Variants in GPHN observed in about 807,000 individuals in gnomAD.
The protein encoded by GPHN is gephyrin.
A neutral mutation model predicts 95.5 loss-of-function variants in GPHN; 17 were observed. The observed-to-expected ratio is 0.18, with a 90% CI of 0.12 to 0.27. The LOEUF is 0.27. Ranked by LOEUF, GPHN falls within the 10% of genes least tolerant of loss-of-function variation. The pLI, the probability that GPHN is intolerant of heterozygous loss-of-function variation, is 1.00. For missense variants in GPHN, 660 were observed against 978.1 expected (o/e 0.67, Z 4.34); for synonymous variants, 320 against 322.5 (o/e 0.99, Z 0.08).
At chr14:67,585,977 T>C in the GPHN span, 14 of 1,613,774 alleles carry the variant, frequency 8.7e-6, 1 homozygote, top group South Asian at 1.4e-4. Flanking sequence ...ACCCCTACTC[T>C]TCAGTGACAA....
intron 1 of GPHN, among the ~76,000 whole-genome samples, chr14:66,665,816 G>A (rs921140815): frequency 1.3e-5 from 2 of 152,064 alleles, no homozygotes; most frequent in African/African-American, 4.8e-5. Context: ...GTTTATTGTG[G>A]CACTATTCAC....
chr14:67,593,531 A>C, the GPHN span: 1 of 550,878 alleles, frequency 1.8e-6, no homozygotes, highest in Non-Finnish European at 3.2e-6. Context: ...GAAGGAAAAA[A>C]TGCCAGTGAT....
At chr14:67,701,407 A>T in the GPHN span, among the ~76,000 whole-genome samples, 5 of 150,400 alleles carry the variant, frequency 3.3e-5, no homozygotes, top group Admixed American at 6.7e-5. Flanking sequence ...AAAATTTTAA[A>T]GAACTTTATT....
chr14:67,404,688 T>G, the GPHN span, among the ~76,000 whole-genome samples: 4 of 151,012 alleles, frequency 2.6e-5, no homozygotes, highest in African/African-American at 9.8e-5. Context: ...CATGCACCTG[T>G]GGTCCCAGCC....
the GPHN span, chr14:67,581,082 C>T: frequency 8.1e-7 from 1 of 1,234,484 alleles, no homozygotes; most frequent in South Asian, 1.2e-5. Context: ...CAAGGGCTGC[C>T]ACTGGGTGCC....
intron 2 of GPHN, among the ~76,000 whole-genome samples, chr14:66,695,991 T>C (rs2068077422): frequency 6.6e-6 from 1 of 152,150 alleles, no homozygotes. Context: ...TGAACCCTAA[T>C]GTAAACTGTG....
intron 9 of GPHN, among the ~76,000 whole-genome samples, chr14:67,011,464 C>T (rs2073000674): frequency 6.7e-6 from 1 of 148,718 alleles, no homozygotes; most frequent in African/African-American, 2.5e-5. Context: ...TCCCAAGCTA[C>T]TCAGGAGGCT....
chr14:66,818,311 TCTC>T (rs1436281430), intron 3 of GPHN, among the ~76,000 whole-genome samples: 11 of 152,126 alleles, frequency 7.2e-5, no homozygotes, highest in African/African-American at 2.7e-4. Flanking sequence ...CCCCATGTGT[TCTC>T]ATCATTTAGC....
chr14:66,674,223 C>T (rs1427516210), intron 1 of GPHN, among the ~76,000 whole-genome samples: 5 of 151,786 alleles, frequency 3.3e-5, no homozygotes, highest in East Asian at 1.9e-4. Flanking sequence ...CTCAGCCTCC[C>T]GAGTAGCTGG....
chr14:66,600,427 C>G (rs186911566), intron 1 of GPHN, among the ~76,000 whole-genome samples: 1 of 152,178 alleles, frequency 6.6e-6, no homozygotes, highest in African/African-American at 2.4e-5. Flanking sequence ...TGTGACGTAG[C>G]AGTGAATAAT....
chr14:67,008,605 C>T (rs2078240329), intron 9 of GPHN, among the ~76,000 whole-genome samples: 1 of 151,618 alleles, frequency 6.6e-6, no homozygotes, highest in South Asian at 2.1e-4. Context: ...AGTGCAGTGG[C>T]GCAGTCTTGG....
At chr14:66,838,058 T>C (rs1400501133) in intron 4 of GPHN, among the ~76,000 whole-genome samples, 2 of 152,020 alleles carry the variant, frequency 1.3e-5, no homozygotes, top group South Asian at 2.1e-4. Flanking sequence ...GGGCATAAAA[T>C]TAATAATAAT....
the GPHN span, among the ~76,000 whole-genome samples, chr14:67,372,594 G>T: frequency 2.6e-5 from 4 of 152,194 alleles, no homozygotes; most frequent in African/African-American, 4.8e-5. Context: ...ACTTTGGGAG[G>T]CCAAGGTGGG....
intron 3 of GPHN, among the ~76,000 whole-genome samples, chr14:66,782,697 G>A (rs2059648000): frequency 6.6e-6 from 1 of 152,124 alleles, no homozygotes; most frequent in South Asian, 2.1e-4. Context: ...ATGCATGGTG[G>A]CATGCATCTG....
chr14:67,088,193 A>G (rs72715354), intron 11 of GPHN, among the ~76,000 whole-genome samples: 4,153 of 152,268 alleles, frequency 0.027, 75 homozygotes, highest in Non-Finnish European at 0.036. Flanking sequence ...GAAAAAAACA[A>G]CTTTAGGATT....
At chr14:66,587,089 A>G (rs1309107712) in intron 1 of GPHN, among the ~76,000 whole-genome samples, 3 of 151,438 alleles carry the variant, frequency 2.0e-5, no homozygotes, top group Admixed American at 1.3e-4. Flanking sequence ...ACAGATGACA[A>G]GAGACTACTG....
chr14:67,274,835 C>T, the GPHN span, among the ~76,000 whole-genome samples: 1 of 152,214 alleles, frequency 6.6e-6, no homozygotes, highest in South Asian at 2.1e-4. Flanking sequence ...AGAGGTCCTT[C>T]ACATCCCTTG....
chr14:66,868,721 T>C (rs1309649629), intron 4 of GPHN, among the ~76,000 whole-genome samples: 1 of 152,100 alleles, frequency 6.6e-6, no homozygotes, highest in African/African-American at 2.4e-5. Context: ...TTAAACATCA[T>C]TGTCTGTTAG....
chr14:67,094,998 T>C (rs1451801331), intron 12 of GPHN, among the ~76,000 whole-genome samples: 1 of 152,226 alleles, frequency 6.6e-6, no homozygotes, highest in East Asian at 1.9e-4. Flanking sequence ...CATCTAGGTT[T>C]GTGTTAGTAC....
Sources: gnomAD v4.1 joint callset for allele counts (sites outside exome capture counted in the v4.1 genomes callset) on GRCh38, gnomAD v4.1.1 for gene constraint, MANE v1.5 for transcripts, NCBI Gene and HGNC (gene_info 2026-07-23, HGNC 2026-07-21) for gene names.